The following AFF2 variants were observed in gnomAD, a reference collection of about 807,000 sequenced individuals.
AFF2 encodes the protein ALF transcription elongation factor 2, also known as AF4/FMR2 family member 2.
In AFF2, 14 loss-of-function variants were observed where a neutral mutation model predicts 76.9. That is an observed-to-expected ratio of 0.18 (90% CI 0.12 to 0.28). AFF2 has a LOEUF of 0.28. Among genes scored for constraint, AFF2 ranks in the 10% least tolerant of loss-of-function variants. The pLI is 1.00. For missense variants in AFF2, 868 were observed against 1,001.1 expected, an observed-to-expected ratio of 0.87 and a Z score of 1.79; for synonymous variants, 398 against 366.7, an observed-to-expected ratio of 1.09 and a Z score of -0.98.
At chrX:148,701,012 A>AAATGTGTG (rs782232655) in intron 3 of AFF2, among the ~76,000 whole-genome samples, 2 of 73,738 alleles carry the variant, frequency 2.7e-5, no homozygotes, top group South Asian at 7.9e-4. Flanking sequence ...GAGAGAGAGA[A>AAATGTGTG]TGTGTGTGTG....
chrX:148,583,827 A>T (rs1490132340), intron 1 of AFF2, among the ~76,000 whole-genome samples: 1 of 111,729 alleles, frequency 9.0e-6, no homozygotes, highest in Non-Finnish European at 1.9e-5. Context: ...ACTCAATTCT[A>T]GAATACACGG....
intron 3 of AFF2, among the ~76,000 whole-genome samples, chrX:148,782,774 G>A (rs782218960): frequency 4.5e-5 from 5 of 111,522 alleles, no homozygotes; most frequent in Admixed American, 9.5e-5. Flanking sequence ...GTAGTTATAC[G>A]TGGGTCAAGA....
intron 3 of AFF2, among the ~76,000 whole-genome samples, chrX:148,794,267 C>T (rs2069938329): frequency 8.9e-6 from 1 of 112,157 alleles, no homozygotes; most frequent in South Asian, 3.7e-4. Flanking sequence ...GCCTTCATTC[C>T]AGCCTTGTCA....
chrX:148,644,221 G>A (rs1340372614), intron 1 of AFF2, among the ~76,000 whole-genome samples: 1 of 111,874 alleles, frequency 8.9e-6, no homozygotes, highest in African/African-American at 3.3e-5. Context: ...CACTGTGCAC[G>A]TTGTGTGAGC....
At chrX:148,908,453 G>A (rs1157173004) in intron 9 of AFF2, among the ~76,000 whole-genome samples, 3 of 111,940 alleles carry the variant, frequency 2.7e-5, no homozygotes, top group Non-Finnish European at 3.8e-5. Context: ...GGCTTCGGCC[G>A]GTCCCTCCAT....
intron 1 of AFF2, among the ~76,000 whole-genome samples, chrX:148,569,845 A>G (rs1339359628): frequency 5.4e-5 from 6 of 111,802 alleles, no homozygotes; most frequent in Non-Finnish European, 9.4e-5. Context: ...TGTTTACCAA[A>G]CTACTCTCAG....
intron 9 of AFF2, among the ~76,000 whole-genome samples, chrX:148,932,581 A>C (rs996364446): frequency 4.5e-5 from 5 of 111,754 alleles, no homozygotes; most frequent in African/African-American, 1.6e-4. Flanking sequence ...TCATAAACAC[A>C]GTCTCTCTCC....
chrX:148,985,701 C>T (rs782461801), intron 19 of AFF2, among the ~76,000 whole-genome samples: 7 of 110,611 alleles, frequency 6.3e-5, no homozygotes, highest in Admixed American at 1.9e-4. Context: ...GACATCTCCT[C>T]ATCCCACTCC....
intron 1 of AFF2, among the ~76,000 whole-genome samples, chrX:148,501,914 A>G (rs914871671): frequency 8.9e-6 from 1 of 112,124 alleles, no homozygotes; most frequent in Admixed American, 9.4e-5. Context: ...CTCAGATTCA[A>G]AGGTTGAGTC....
intron 1 of AFF2, among the ~76,000 whole-genome samples, chrX:148,626,480 G>T (rs782757559): frequency 2.6e-4 from 29 of 110,988 alleles, no homozygotes; most frequent in Non-Finnish European, 5.3e-4. Flanking sequence ...TGAGATGAAA[G>T]GGGGTGCATT....
chrX:148,674,956 G>A (rs1249015857), intron 3 of AFF2, among the ~76,000 whole-genome samples: 1 of 112,346 alleles, frequency 8.9e-6, no homozygotes, highest in Non-Finnish European at 1.9e-5. Flanking sequence ...TTAGGTGAAA[G>A]GGTTGATGGT....
chrX:148,794,322 A>G (rs1557270206), intron 3 of AFF2, among the ~76,000 whole-genome samples: 2 of 112,023 alleles, frequency 1.8e-5, no homozygotes, highest in Non-Finnish European at 1.9e-5. Context: ...GACTCCTAAA[A>G]TCAATATTGA....
chrX:148,583,510 T>A (rs1270582581), intron 1 of AFF2, among the ~76,000 whole-genome samples: 1 of 111,956 alleles, frequency 8.9e-6, no homozygotes, highest in Non-Finnish European at 1.9e-5. Flanking sequence ...TAGTAGTTTC[T>A]ATGTCCTAAA....
chrX:148,761,483 C>A (rs5936426), intron 3 of AFF2, among the ~76,000 whole-genome samples: 25,191 of 86,413 alleles, frequency 0.29, 4,227 homozygotes, highest in African/African-American at 0.6. Context: ...TTTTTTTTTT[C>A]ATAAAAACTT....
chrX:148,619,787 A>G (rs1052459754), intron 1 of AFF2, among the ~76,000 whole-genome samples: 4 of 111,941 alleles, frequency 3.6e-5, no homozygotes, highest in Non-Finnish European at 5.7e-5. Context: ...TTGCCTCCCT[A>G]GAGGACTTTC....
intron 9 of AFF2, among the ~76,000 whole-genome samples, chrX:148,948,673 G>A (rs946418818): frequency 1.8e-5 from 2 of 111,065 alleles, no homozygotes; most frequent in Non-Finnish European, 3.8e-5. Flanking sequence ...CATGAAACAG[G>A]ATCATTGTGC....
At chrX:148,794,106 C>A (rs782471818) in intron 3 of AFF2, among the ~76,000 whole-genome samples, 1 of 112,150 alleles carries the variant, frequency 8.9e-6, no homozygotes, top group South Asian at 3.8e-4. Flanking sequence ...CCAGAGGCAG[C>A]CCTTTTTCAA....
chrX:148,598,552 T>C (rs1051879332), intron 1 of AFF2, among the ~76,000 whole-genome samples: 1 of 112,197 alleles, frequency 8.9e-6, no homozygotes, highest in Non-Finnish European at 1.9e-5. Context: ...CTGCATGCCA[T>C]GGGAAACCAG....
At chrX:148,832,845 G>A (rs1483462859) in intron 4 of AFF2, among the ~76,000 whole-genome samples, 1 of 111,680 alleles carries the variant, frequency 9.0e-6, no homozygotes, top group Non-Finnish European at 1.9e-5. Flanking sequence ...CTAGGCTTGA[G>A]TTAAGTTCTC....
Sources: gnomAD v4.1 joint callset for allele counts (sites outside exome capture counted in the v4.1 genomes callset) on GRCh38, gnomAD v4.1.1 for gene constraint, MANE v1.5 for transcripts, NCBI Gene and HGNC (gene_info 2026-07-23, HGNC 2026-07-21) for gene names.